ANKS1A: variants seen among roughly 807,000 people sequenced by gnomAD.
ANKS1A encodes the protein ankyrin repeat and sterile alpha motif domain containing 1A, also known as ankyrin repeat and SAM domain-containing protein 1A.
In ANKS1A, 55 loss-of-function variants were observed where a neutral mutation model predicts 120.3. The observed-to-expected ratio is 0.46, with a 90% CI of 0.37 to 0.57. The LOEUF is 0.57. Ranked by LOEUF, ANKS1A falls within the 20% of genes least tolerant of loss-of-function variation. The pLI is 0.00. For synonymous variants in ANKS1A, 590 were observed against 604.7 expected, an observed-to-expected ratio of 0.98 and a Z score of 0.36; for missense variants, 1,123 against 1,480.3, an observed-to-expected ratio of 0.76 and a Z score of 3.96.
At chr6:35,059,710 G>C (rs1428412977) in intron 12 of ANKS1A, among the ~76,000 whole-genome samples, 1 of 152,172 alleles carries the variant, frequency 6.6e-6, no homozygotes, top group Non-Finnish European at 1.5e-5. Flanking sequence ...AGGAGCGGCG[G>C]GGCTTGTGGG....
intron 1 of ANKS1A, among the ~76,000 whole-genome samples, chr6:34,951,237 A>C (rs1770079285): frequency 6.6e-6 from 1 of 152,042 alleles, no homozygotes; most frequent in Non-Finnish European, 1.5e-5. Context: ...GAAGTAATTC[A>C]TATTTTATAT....
At chr6:34,921,931 A>G (rs1437798111) in intron 1 of ANKS1A, among the ~76,000 whole-genome samples, 1 of 151,940 alleles carries the variant, frequency 6.6e-6, no homozygotes, top group Admixed American at 6.6e-5. Context: ...CCTGGCCTCA[A>G]GCAGTTTTCC....
chr6:34,996,757 C>T (rs574961061), intron 10 of ANKS1A, among the ~76,000 whole-genome samples: 33 of 152,322 alleles, frequency 2.2e-4, no homozygotes, highest in African/African-American at 7.9e-4. Context: ...AGGCGTGAGC[C>T]ACCATGCCTG....
At chr6:35,070,893 C>T (rs116202866) in intron 13 of ANKS1A, 10,338 of 644,042 alleles carry the variant, frequency 0.016, 194 homozygotes, top group African/African-American at 0.076. Context: ...AAGGACTCTT[C>T]GATGACATCC....
intron 10 of ANKS1A, among the ~76,000 whole-genome samples, chr6:35,002,716 G>A (rs1378755323): frequency 6.6e-6 from 1 of 151,668 alleles, no homozygotes; most frequent in Non-Finnish European, 1.5e-5. Context: ...ATGAATTCCC[G>A]GCCCTAAAGA....
chr6:34,986,721 G>T (rs368799698), intron 8 of ANKS1A, among the ~76,000 whole-genome samples: 2 of 152,208 alleles, frequency 1.3e-5, no homozygotes, highest in South Asian at 4.1e-4. Context: ...GGAAAGGCCC[G>T]CAGTCTAGTG....
rs191850440 is a variant in ANKS1A at position 35,079,811 on chromosome 6, C to T, written c.2437-10C>T. On this transcript the variant is annotated splice_polypyrimidine_tract_variant and intron_variant, in intron 15 of 23. Coordinates refer to ENST00000360359, the MANE Select transcript of ANKS1A (RefSeq NM_015245.3). ...CCTGACCTGTCACCTCGCTGCTCCT[C>T]ATCACCCAGGTCCTGAAGGTCCAGC... The T allele has an allele frequency of 6.9e-4, 1,099 of 1,584,964 alleles. 3 individuals are homozygous for T. In the African/African-American group the frequency reaches 0.01, roughly 15 times the overall value.
chr6:35,068,203 A>T (rs1278043157), intron 13 of ANKS1A, among the ~76,000 whole-genome samples: 9 of 152,050 alleles, frequency 5.9e-5, no homozygotes, highest in Non-Finnish European at 7.4e-5. Context: ...CTATTTTCAA[A>T]TTTTTCTACT....
chr6:35,083,027 G>T, intron 18 of ANKS1A, 128 bp from the exon 19 acceptor site: 1 of 1,290,890 alleles, frequency 7.7e-7, no homozygotes. Context: ...TCTCCAGCTG[G>T]GGCAGGAGAG....
downstream of ANKS1A, among the ~76,000 whole-genome samples, chr6:35,095,581 GACGAAAGAAAGAGAGA>G (rs1294712753): frequency 2.5e-5 from 2 of 80,090 alleles, no homozygotes; most frequent in African/African-American, 5.8e-5. Flanking sequence ...AAAAAGGAAA[GACGAAAGAAAGAGAGA>G]AAGAAAGAGA....
rs1158932540 is a variant in ANKS1A at position 35,090,366 on chromosome 6, A to T, written c.*1757A>T. ...CATGCTGGTGCCCGTCTTCCTCCTA[A>T]GGGGCCAGGCCACATCCAAGTGGGC... is the stretch of plus-strand genomic sequence containing the variant. On this transcript the variant is annotated 3_prime_UTR_variant, in exon 24 of 24. Coordinates refer to ENST00000360359, the MANE Select transcript of ANKS1A (RefSeq NM_015245.3). The T allele has an allele frequency of 3.2e-6, 4 of 1,259,918 alleles. No homozygotes were observed. In the African/African-American group the frequency reaches 6.2e-5, roughly 19 times the overall value. The allele number at this position is 1,259,918 out of a possible 1,614,324, so 78.0% of individuals were successfully genotyped here. A position where few individuals can be genotyped will look rare whatever the true frequency, so the allele number is the denominator to read the frequency against.
intron 10 of ANKS1A, among the ~76,000 whole-genome samples, chr6:35,010,938 T>C (rs1773728158): frequency 6.6e-6 from 1 of 152,200 alleles, no homozygotes. Context: ...TTACATAGTT[T>C]TCAAGAGATG....
rs886855817 is a variant in ANKS1A, at chr6:35,067,490, G to A, written c.2184+7237G>A. On this transcript the variant is annotated intron_variant, in intron 13 of 23. Transcript: ENST00000360359. The stretch of plus-strand genomic sequence containing the variant: ...CCGGCCAGCATTAGCAAAGGCCGGA[G>A]AAGCCCGAGTGCCCAGTGGCAGGGT... Among the ~76,000 whole-genome samples, 4 of 152,360 alleles carry A rather than the reference G, an allele frequency of 2.6e-5. No individual in the cohort carries two copies. In the East Asian group the frequency reaches 7.7e-4, roughly 29 times the overall value.
At chr6:34,946,421 C>G (rs766118310) in intron 1 of ANKS1A, among the ~76,000 whole-genome samples, 1 of 152,022 alleles carries the variant, frequency 6.6e-6, no homozygotes, top group East Asian at 2.0e-4. Context: ...AACCCTGTCT[C>G]TACTAAAAAT....
At chr6:34,996,251 C>G (rs1385807983) in intron 10 of ANKS1A, among the ~76,000 whole-genome samples, 1 of 152,034 alleles carries the variant, frequency 6.6e-6, no homozygotes, top group East Asian at 1.9e-4. Flanking sequence ...AATTAAATGT[C>G]TATTCAAATT....
intron 11 of ANKS1A, among the ~76,000 whole-genome samples, chr6:35,052,636 T>G (rs985431546): frequency 2.5e-5 from 3 of 119,284 alleles, no homozygotes; most frequent in South Asian, 2.6e-4. Context: ...AAAAAAAGAA[T>G]AATAAAAATA....
At chr6:35,070,657 T>G (rs948636634) in intron 13 of ANKS1A, among the ~76,000 whole-genome samples, 3 of 152,046 alleles carry the variant, frequency 2.0e-5, no homozygotes, top group African/African-American at 7.2e-5. Context: ...GCTAATTTTT[T>G]GTATTTTTAC....
At chr6:35,012,847 C>T (rs1773834361) in intron 10 of ANKS1A, among the ~76,000 whole-genome samples, 3 of 152,244 alleles carry the variant, frequency 2.0e-5, no homozygotes, top group Admixed American at 1.3e-4. Context: ...AAACAGGCCT[C>T]CCTCCCTGTG....
At chr6:34,920,038 C>T (rs879047577) in intron 1 of ANKS1A, among the ~76,000 whole-genome samples, 2 of 151,952 alleles carry the variant, frequency 1.3e-5, no homozygotes, top group Admixed American at 6.6e-5. Context: ...CAGCCATATC[C>T]GCTTGAAGAT....
Sources: gnomAD v4.1 joint callset for allele counts (sites outside exome capture counted in the v4.1 genomes callset) on GRCh38, gnomAD v4.1.1 for gene constraint, MANE v1.5 for transcripts, NCBI Gene and HGNC (gene_info 2026-07-23, HGNC 2026-07-21) for gene names.